ATP6V1A: variants seen among roughly 807,000 people sequenced by gnomAD.
ATP6V1A encodes ATPase H+ transporting V1 subunit A, also known as V-type proton ATPase catalytic subunit A.
In ATP6V1A, 18 loss-of-function variants were observed where a neutral mutation model predicts 70.1. The observed-to-expected ratio is 0.26, with a 90% CI of 0.18 to 0.38. The LOEUF (loss-of-function observed/expected upper bound fraction) is 0.38, where lower values mean the gene tolerates loss of function less well. Ranked by LOEUF, ATP6V1A falls within the 10% of genes least tolerant of loss-of-function variation. The pLI, the probability that ATP6V1A is intolerant of heterozygous loss-of-function variation, is 1.00. For synonymous variants in ATP6V1A, 232 were observed against 253.8 expected (o/e 0.91, Z 0.82); for missense variants, 424 against 772.4 (o/e 0.55, Z 5.35).
intron 1 of ATP6V1A, among the ~76,000 whole-genome samples, chr3:113,751,734 A>G (rs917321416): frequency 1.5e-4 from 22 of 151,304 alleles, no homozygotes; most frequent in African/African-American, 4.8e-4. Flanking sequence ...AAAGTACGCA[A>G]TGTGTGTGTA....
intron 1 of ATP6V1A, among the ~76,000 whole-genome samples, chr3:113,762,275 A>T (rs1237338748): frequency 6.7e-6 from 1 of 150,340 alleles, no homozygotes; most frequent in Non-Finnish European, 1.5e-5. Flanking sequence ...TTTGAAAAAA[A>T]TTGGTAAAGT....
chr3:113,751,367 A>G (rs1039931393), intron 1 of ATP6V1A, among the ~76,000 whole-genome samples: 7 of 151,874 alleles, frequency 4.6e-5, no homozygotes, highest in African/African-American at 1.7e-4. Context: ...AAGTATAGCT[A>G]TCATGAGTTT....
chr3:113,804,271 C>G (rs1709251290), intron 13 of ATP6V1A, among the ~76,000 whole-genome samples: 1 of 151,958 alleles, frequency 6.6e-6, no homozygotes. Flanking sequence ...GGGACTCAGG[C>G]ATGAGCCAAC....
At chr3:113,785,196 CTT>C (rs946191955) in intron 5 of ATP6V1A, among the ~76,000 whole-genome samples, 1 of 152,130 alleles carries the variant, frequency 6.6e-6, no homozygotes, top group Non-Finnish European at 1.5e-5. Flanking sequence ...AATCCCAACA[CTT>C]TGGGAGGGCG....
chr3:113,752,111 T>C (rs1315266884), intron 1 of ATP6V1A, among the ~76,000 whole-genome samples: 1 of 151,972 alleles, frequency 6.6e-6, no homozygotes, highest in East Asian at 1.9e-4. Flanking sequence ...AAAAAAATTT[T>C]ATCTGCAACA....
chr3:113,788,979 C>G (rs888865377), intron 7 of ATP6V1A, 104 bp downstream of exon 7: 1 of 980,046 alleles, frequency 1.0e-6, no homozygotes, highest in East Asian at 2.6e-5. Context: ...TGCTGTCATT[C>G]GTCAAGGATC....
chr3:113,752,743 A>T (rs191823951), intron 1 of ATP6V1A, among the ~76,000 whole-genome samples: 1 of 152,126 alleles, frequency 6.6e-6, no homozygotes, highest in Non-Finnish European at 1.5e-5. Flanking sequence ...ATTCAATCCA[A>T]TGGTGAAAAA....
At position 113,785,491 on chromosome 3, in the gene ATP6V1A, C is replaced by G. The variant is rs191722372; in HGVS notation, c.564+658C>G. Among the ~76,000 whole-genome samples, 33 of 146,036 alleles carry G rather than the reference C, an allele frequency of 2.3e-4. No individual in the cohort carries two copies. The East Asian group carries it at 6.3e-3, about 28-fold the overall frequency. On this transcript the variant is annotated intron_variant, in intron 5 of 14. Coordinates refer to ENST00000273398, the MANE Select transcript of ATP6V1A (RefSeq NM_001690.4). ...TATTATATAATGGATTATTTGAATT[C>G]TCTTTTTTTCTTTTCTTTTTTTTTT...
At chr3:113,789,055 T>G (rs181991718) in intron 7 of ATP6V1A, among the ~76,000 whole-genome samples, 180 bp downstream of exon 7, 24 of 152,274 alleles carry the variant, frequency 1.6e-4, no homozygotes, top group East Asian at 5.8e-4. Context: ...TTTTAATTTT[T>G]TGTGTGTGTG....
intron 1 of ATP6V1A, among the ~76,000 whole-genome samples, chr3:113,750,407 G>A (rs1708573028): frequency 6.6e-6 from 1 of 152,266 alleles, no homozygotes; most frequent in South Asian, 2.1e-4. Flanking sequence ...ACTTGAACCC[G>A]ACAGGTGGAG....
chr3:113,765,044 C>A (rs1708752823), intron 1 of ATP6V1A, among the ~76,000 whole-genome samples: 1 of 147,922 alleles, frequency 6.8e-6, no homozygotes, highest in South Asian at 2.1e-4. Context: ...AATTCTGTTT[C>A]AGGTAGCTTT....
chr3:113,766,927 A>G, intron 1 of ATP6V1A, among the ~76,000 whole-genome samples: 1 of 152,156 alleles, frequency 6.6e-6, no homozygotes. Context: ...TGACCAGACC[A>G]AATCTGGGCA....
chr3:113,799,396 A>G (rs1027221511), intron 12 of ATP6V1A, among the ~76,000 whole-genome samples: 2 of 152,200 alleles, frequency 1.3e-5, no homozygotes, highest in Admixed American at 1.3e-4. Context: ...GAAACATCTT[A>G]GCAAACAAGG....
intron 1 of ATP6V1A, among the ~76,000 whole-genome samples, chr3:113,764,732 A>G (rs1280937374): frequency 6.6e-6 from 1 of 152,152 alleles, no homozygotes; most frequent in Non-Finnish European, 1.5e-5. Flanking sequence ...TATTAATGTG[A>G]GCTTTACAAT....
rs555633525 is a variant in ATP6V1A, at chr3:113,755,498, G to A, written c.-14+8385G>A. Among the ~76,000 whole-genome samples the A allele has an allele frequency of 1.5e-4, 23 of 152,220 alleles. No homozygotes were observed. The South Asian group carries it at 4.8e-3, about 32-fold the overall frequency. Reference sequence around the variant, plus strand: ...CACATCTAGTTCCCGCTATTCGGGAGGCTGAGGTGGGAGGATTGCTTGAGC... The same window carrying A: ...CACATCTAGTTCCCGCTATTCGGGAAGCTGAGGTGGGAGGATTGCTTGAGC... On this transcript the variant is annotated intron_variant, in intron 1 of 14. Coordinates refer to ENST00000273398, the MANE Select transcript of ATP6V1A (RefSeq NM_001690.4).
chr3:113,809,655 G>A lies in ATP6V1A; in HGVS notation c.*228G>A, dbSNP rs772020973. ...TCCCTCTTCCTTTATCTGAAGTGGT[G>A]AATATAGTAAATATACATTCTGGTT... On this transcript the variant is annotated 3_prime_UTR_variant, in exon 15 of 15. Coordinates refer to ENST00000273398, the MANE Select transcript of ATP6V1A (RefSeq NM_001690.4). 2 of 391,736 alleles carry A rather than the reference G, an allele frequency of 5.1e-6. No individual in the cohort carries two copies. Among genetic ancestry groups the A allele is most frequent in the Non-Finnish European group, 9.6e-6 (2 of 207,712 alleles). The allele number at this position is 391,736 out of a possible 1,614,324, so 24.3% of individuals were successfully genotyped here. A position where few individuals can be genotyped will look rare whatever the true frequency, so the allele number is the denominator to read the frequency against.
rs760446373 is a variant in ATP6V1A, at chr3:113,784,748, C to G, written c.479C>G (p.Ser160Trp). ...ATTTATGGAATTGTCAGTGAGAACTCGCTTATCAAACACAAAATCATGTTA... is the reference window on the plus strand; with the variant it reads ...ATTTATGGAATTGTCAGTGAGAACTGGCTTATCAAACACAAAATCATGTTA... ...GDIYGIVSEN[S>W]LIKHKIMLPP... is the part of the protein sequence containing the mutation. Residue 160 changes from serine to tryptophan, a missense_variant, in exon 5 of 15, where the codon TCG becomes TGG. Transcript: ENST00000273398. 2.5e-6 allele frequency: 4 copies of G among 1,614,026 alleles called. No individual in the cohort carries two copies. The African/African-American group carries it at 5.3e-5, about 22-fold the overall frequency.
At chr3:113,783,834 T>A (rs1237310469) in intron 3 of ATP6V1A, among the ~76,000 whole-genome samples, 3 of 152,188 alleles carry the variant, frequency 2.0e-5, no homozygotes, top group South Asian at 2.1e-4. Context: ...ATGGAACAAG[T>A]TTCCAATCTG....
chr3:113,782,725 G>A (rs1708993513), intron 3 of ATP6V1A, among the ~76,000 whole-genome samples: 1 of 151,302 alleles, frequency 6.6e-6, no homozygotes, highest in Non-Finnish European at 1.5e-5. Context: ...CCAGGTTTGA[G>A]CAATTCTCTG....
Sources: allele counts gnomAD v4.1 joint callset (sites outside exome capture counted in the v4.1 genomes callset), GRCh38; gene constraint gnomAD v4.1.1; transcripts MANE v1.5; gene names NCBI Gene and HGNC (gene_info 2026-07-23, HGNC 2026-07-21).